Variants in PGM1 observed in about 807,000 individuals in gnomAD.
The protein encoded by PGM1 is phosphoglucomutase-1.
Under a neutral mutation model 55.6 loss-of-function variants are expected in PGM1, and 52 were observed. The observed-to-expected ratio is 0.94, with a 90% CI of 0.75 to 1.18. PGM1 has a LOEUF of 1.18. Among genes scored for constraint, PGM1 ranks in the 50% most tolerant of loss-of-function variants. The pLI, the probability that PGM1 is intolerant of heterozygous loss-of-function variation, is 0.00. For missense variants in PGM1, 724 were observed against 729.3 expected (o/e 0.99, Z 0.08); for synonymous variants, 287 against 271.7 (o/e 1.06, Z -0.55).
chr1:63,641,786 G>A (rs532083038), intron 7 of PGM1, among the ~76,000 whole-genome samples: 1 of 152,274 alleles, frequency 6.6e-6, no homozygotes, highest in Non-Finnish European at 1.5e-5. Context: ...GATCTTATGT[G>A]TCTTATCCTG....
intron 1 of PGM1, among the ~76,000 whole-genome samples, chr1:63,618,282 C>T (rs1347505088): frequency 1.3e-5 from 2 of 152,190 alleles, no homozygotes; most frequent in African/African-American, 4.8e-5. Context: ...ATACTGTCTG[C>T]ATGTGATGAC....
chr1:63,627,659 A>G (rs779291356), intron 1 of PGM1, among the ~76,000 whole-genome samples: 9 of 152,040 alleles, frequency 5.9e-5, no homozygotes, highest in Non-Finnish European at 1.3e-4. Context: ...AACCATTGCA[A>G]ATCTCACCAT....
At chr1:63,648,711 T>G (rs879557116) in intron 8 of PGM1, 59 bp downstream of exon 8, 22 of 1,575,696 alleles carry the variant, frequency 1.4e-5, no homozygotes, top group Non-Finnish European at 1.7e-5. Flanking sequence ...GAGAGAATTC[T>G]TGCGCATCCA....
intron 5 of PGM1, among the ~76,000 whole-genome samples, chr1:63,635,451 A>G (rs1251176325): frequency 6.6e-6 from 1 of 152,178 alleles, no homozygotes; most frequent in Non-Finnish European, 1.5e-5. Context: ...CATTGCCTAT[A>G]TGAAGATGAT....
intron 1 of PGM1, among the ~76,000 whole-genome samples, chr1:63,613,900 A>G (rs1195295565): frequency 1.3e-5 from 2 of 152,132 alleles, no homozygotes; most frequent in Non-Finnish European, 2.9e-5. Context: ...AAATTTGATC[A>G]TCCAAAGGAG....
At chr1:63,596,145 C>T (rs370859238) in intron 1 of PGM1, among the ~76,000 whole-genome samples, 3 of 152,104 alleles carry the variant, frequency 2.0e-5, no homozygotes, top group Admixed American at 6.5e-5. Context: ...CTCCCTTGGC[C>T]TTGCTTACTC....
intron 6 of PGM1, among the ~76,000 whole-genome samples, chr1:63,637,668 G>A (rs1158218923): frequency 6.6e-6 from 1 of 152,146 alleles, no homozygotes; most frequent in Non-Finnish European, 1.5e-5. Flanking sequence ...ATCAGGTCCT[G>A]CATTTGAAAT....
Position 63,614,198 on chromosome 1 carries a change from A to G in PGM1, c.247-15227A>G, listed in dbSNP as rs2100969371. 1.3e-5 allele frequency among the ~76,000 whole-genome samples: 2 copies of G among 152,352 alleles called. 1 individual carries two copies. Among genetic ancestry groups the G allele is most frequent in the Non-Finnish European group, 2.9e-5 (2 of 68,034 alleles). ...ATTGGTATTTAGACTTCTGTTTTACAGATGCAGAAATAGAAGCTAAGTGAT... is the reference window on the plus strand; with the variant it reads ...ATTGGTATTTAGACTTCTGTTTTACGGATGCAGAAATAGAAGCTAAGTGAT... On this transcript the variant is annotated intron_variant, in intron 1 of 10. Coordinates refer to ENST00000371084, the MANE Select transcript of PGM1 (RefSeq NM_002633.3).
Position 63,635,038 on chromosome 1 carries a change from A to G in PGM1, c.873+19A>G. ...AGATGGGGTGGGTATAAGTGCATTT[A>G]AGTGAACTCTGGTGCAGGCCAGGCC... On this transcript the variant is annotated intron_variant, in intron 5 of 10. Coordinates refer to ENST00000371084, the MANE Select transcript of PGM1 (RefSeq NM_002633.3). 2 of 1,607,334 alleles carry G rather than the reference A, an allele frequency of 1.2e-6. No individual in the cohort carries two copies. Among genetic ancestry groups the G allele is most frequent in the African/African-American group, 1.3e-5 (1 of 74,880 alleles).
At position 63,659,746 on chromosome 1, in the gene PGM1, C is replaced by T; in HGVS notation, c.*71C>T. Reference sequence around the variant, plus strand: ...CAAGTCATCTGATTGAAGAGCATGACAGAAACAAAATGTATTCACCAAGCA... The same window carrying T: ...CAAGTCATCTGATTGAAGAGCATGATAGAAACAAAATGTATTCACCAAGCA... On this transcript the variant is annotated 3_prime_UTR_variant, in exon 11 of 11. Coordinates refer to ENST00000371084, the MANE Select transcript of PGM1 (RefSeq NM_002633.3). 1 of 1,155,596 alleles carries T rather than the reference C, an allele frequency of 8.7e-7. No individual in the cohort carries two copies. Among genetic ancestry groups the T allele is most frequent in the African/African-American group, 1.5e-5 (1 of 66,106 alleles). The allele number at this position is 1,155,596 out of a possible 1,614,324, so 71.6% of individuals were successfully genotyped here.
At chr1:63,627,917 A>G (rs1487105948) in intron 1 of PGM1, among the ~76,000 whole-genome samples, 1 of 152,094 alleles carries the variant, frequency 6.6e-6, no homozygotes. Context: ...AGGACGTTTC[A>G]ATACTTTCCC....
intron 1 of PGM1, among the ~76,000 whole-genome samples, chr1:63,624,780 G>A (rs1405920323): frequency 1.3e-5 from 2 of 152,094 alleles, no homozygotes; most frequent in African/African-American, 4.8e-5. Flanking sequence ...ATGCTGAGCA[G>A]GTATGTTTGC....
chr1:63,655,225 C>T (rs1050245206), intron 10 of PGM1, among the ~76,000 whole-genome samples: 1 of 151,954 alleles, frequency 6.6e-6, no homozygotes, highest in Non-Finnish European at 1.5e-5. Context: ...AGTAATCCTC[C>T]TACCTCAGCC....
chr1:63,593,554 G>A lies in PGM1; in HGVS notation c.66G>A (p.Leu22=), dbSNP rs751586075. Reference sequence around the variant, plus strand: ...ACCAGAAGCCGGGCACGAGCGGGCTGCGGAAGCGGGTGAAGGTGTTCCAGA... The same window carrying A: ...ACCAGAAGCCGGGCACGAGCGGGCTACGGAAGCGGGTGAAGGTGTTCCAGA... ...YQDQKPGTSG[L]RKRVKVFQSS... is the part of the protein sequence containing the mutation. Residue 22 remains leucine, a synonymous_variant, in exon 1 of 11, where the codon CTG becomes CTA. Transcript: ENST00000371084. 1 of 1,613,902 alleles carries A rather than the reference G, an allele frequency of 6.2e-7. No individual in the cohort carries two copies. The highest frequency in any genetic ancestry group is 2.2e-5 in the East Asian group (1 of 44,858).
intron 10 of PGM1, among the ~76,000 whole-genome samples, chr1:63,659,364 C>T (rs1650054650): frequency 2.0e-5 from 3 of 152,218 alleles, no homozygotes; most frequent in Non-Finnish European, 2.9e-5. Flanking sequence ...TCAGGAGCAA[C>T]TCCTAGTTGT....
At chr1:63,610,640 C>T (rs1648539893) in intron 1 of PGM1, among the ~76,000 whole-genome samples, 1 of 152,118 alleles carries the variant, frequency 6.6e-6, no homozygotes, top group South Asian at 2.1e-4. Flanking sequence ...GTTTCCCGGC[C>T]ATTACCCCCT....
intron 1 of PGM1, chr1:63,623,534 T>C (rs1648940768): frequency 6.2e-7 from 1 of 1,612,566 alleles, no homozygotes; most frequent in African/African-American, 1.3e-5. Flanking sequence ...CTGTTGACTT[T>C]TGCTACAGCT....
chr1:63,648,017 C>T (rs565943397), intron 7 of PGM1, among the ~76,000 whole-genome samples: 79 of 152,284 alleles, frequency 5.2e-4, no homozygotes, highest in African/African-American at 1.8e-3. Context: ...TATGTGATTC[C>T]TCCTGTATAC....
intron 7 of PGM1, among the ~76,000 whole-genome samples, chr1:63,643,863 G>A (rs1649584341): frequency 6.6e-6 from 1 of 152,262 alleles, no homozygotes; most frequent in Admixed American, 6.5e-5. Context: ...AGCCAGGCTA[G>A]TAGGTGTATG....
Sources: allele counts gnomAD v4.1 joint callset (sites outside exome capture counted in the v4.1 genomes callset), GRCh38; gene constraint gnomAD v4.1.1; transcripts MANE v1.5; gene names NCBI Gene and HGNC (gene_info 2026-07-23, HGNC 2026-07-21).